Variants in NR3C1 observed in about 807,000 individuals in gnomAD.
NR3C1 encodes the protein glucocorticoid receptor.
NR3C1 carries 14 observed loss-of-function variants against 74.0 expected under a neutral mutation model. The ratio of observed to expected loss-of-function variants is 0.19; its 90% confidence interval spans 0.12 to 0.30. The LOEUF (loss-of-function observed/expected upper bound fraction) is 0.30. NR3C1 is among the 10% of genes least tolerant of loss of function. NR3C1 has a pLI of 1.00. For synonymous variants in NR3C1, 308 were observed against 332.5 expected, an observed-to-expected ratio of 0.93 and a Z score of 0.80; for missense variants, 695 against 909.8, an observed-to-expected ratio of 0.76 and a Z score of 3.04.
At chr5:143,283,140 C>T (rs2151478191) in intron 7 of NR3C1, among the ~76,000 whole-genome samples, 1 of 152,274 alleles carries the variant, frequency 6.6e-6, no homozygotes, top group South Asian at 2.1e-4. Context: ...TCCCAAAGTG[C>T]CAGGATTACA....
At chr5:143,369,086 A>G (rs1010906366) in intron 2 of NR3C1, among the ~76,000 whole-genome samples, 1 of 152,244 alleles carries the variant, frequency 6.6e-6, no homozygotes, top group African/African-American at 2.4e-5. Context: ...AGCACTTCTT[A>G]AAGGCCTCAC....
Position 143,278,169 on chromosome 5 carries a change from AAAC to A in NR3C1, c.*3717_*3719del, listed in dbSNP as rs1812614944. ...CAGATTATTATTCAGCATGAATAAA[AAAC>A]TACAACTTTTATTTTTAAACAGGAG... is the stretch of plus-strand genomic sequence containing the variant. On this transcript the variant is annotated 3_prime_UTR_variant, in exon 9 of 9. Coordinates refer to ENST00000394464, the MANE Select transcript of NR3C1 (RefSeq NM_000176.3). The A allele has an allele frequency of 6.6e-6, 1 of 152,214 alleles. No homozygotes were observed. The highest frequency in any genetic ancestry group is 2.4e-5 in the African/African-American group (1 of 41,460). 9.4% of individuals were successfully genotyped at this position (152,214 alleles called of 1,614,324 possible).
intron 2 of NR3C1, 110 bp downstream of exon 2, chr5:143,399,546 T>A: frequency 1.1e-6 from 1 of 902,214 alleles, no homozygotes; most frequent in Non-Finnish European, 1.7e-6. Context: ...CTTATTCATA[T>A]AAAAAAGCAC....
chr5:143,355,462 C>A (rs1176414357), intron 2 of NR3C1, among the ~76,000 whole-genome samples: 1 of 151,830 alleles, frequency 6.6e-6, no homozygotes, highest in Non-Finnish European at 1.5e-5. Flanking sequence ...GGTGACAGAG[C>A]AAGACCCTGT....
chr5:143,317,011 G>A lies in NR3C1; in HGVS notation c.1185-2843C>T, dbSNP rs372133053. ...AATTTGGAACCTCAATCAGGCTTTTGGCATCCCTTCAGGCAGTCGTTCTGG... is the reference window on the plus strand; with the variant it reads ...AATTTGGAACCTCAATCAGGCTTTTAGCATCCCTTCAGGCAGTCGTTCTGG... On this transcript the variant is annotated intron_variant, in intron 2 of 8. Transcript: ENST00000394464. Among the ~76,000 whole-genome samples, 18 of 152,246 alleles carry A rather than the reference G, an allele frequency of 1.2e-4. No homozygotes were observed. The East Asian group carries it at 3.5e-3, about 29-fold the overall frequency.
chr5:143,417,442 TCTACCTC>T (rs1750967296), intron 1 of NR3C1, among the ~76,000 whole-genome samples: 1 of 152,142 alleles, frequency 6.6e-6, no homozygotes, highest in Non-Finnish European at 1.5e-5. Context: ...GACTTGAGAC[TCTACCTC>T]CTAGTAGACA....
intron 2 of NR3C1, among the ~76,000 whole-genome samples, chr5:143,395,901 G>A (rs1323495063): frequency 6.6e-6 from 1 of 151,710 alleles, no homozygotes; most frequent in African/African-American, 2.4e-5. Context: ...GGCCCCTAAA[G>A]TGATCTCTAC....
intron 2 of NR3C1, among the ~76,000 whole-genome samples, chr5:143,357,995 A>G (rs1233502829): frequency 6.6e-6 from 1 of 152,228 alleles, no homozygotes; most frequent in Non-Finnish European, 1.5e-5. Flanking sequence ...TAAATACTAA[A>G]TACTTGATCA....
intron 2 of NR3C1, among the ~76,000 whole-genome samples, chr5:143,367,604 G>C (rs1423521253): frequency 6.6e-6 from 1 of 152,128 alleles, no homozygotes; most frequent in African/African-American, 2.4e-5. Context: ...TTACTAATCA[G>C]TAGCAATGAA....
At chr5:143,350,636 G>A (rs573789575) in intron 2 of NR3C1, among the ~76,000 whole-genome samples, 1 of 152,272 alleles carries the variant, frequency 6.6e-6, no homozygotes, top group East Asian at 1.9e-4. Context: ...ATCTGAGCTG[G>A]AGATACAGTA....
rs61759025 is a variant in NR3C1 at position 143,400,699 on chromosome 5, T to C, written c.141A>G (p.Ser47=). The change falls in exon 2 of 9, where the codon TCA becomes TCG. Residue 47 remains serine, a synonymous_variant. Coordinates refer to ENST00000394464, the MANE Select transcript of NR3C1 (RefSeq NM_000176.3). ...ATVKVSASSP[S]LAVASQSDSK... is the part of the protein sequence containing the mutation. ...AGTCTGATTGAGAAGCGACAGCCAG[T>C]GAGGGTGAAGACGCAGAAACCTTCA... 46 of 1,614,148 alleles carry C rather than the reference T, an allele frequency of 2.8e-5. No individual in the cohort carries two copies. The African/African-American group carries it at 5.3e-4, about 19-fold the overall frequency.
chr5:143,312,138 T>C (rs1821117433), intron 3 of NR3C1, among the ~76,000 whole-genome samples: 1 of 152,170 alleles, frequency 6.6e-6, no homozygotes, highest in Non-Finnish European at 1.5e-5. Context: ...AAGTCTATTT[T>C]TGGCAAATAA....
intron 2 of NR3C1, among the ~76,000 whole-genome samples, chr5:143,356,814 T>C (rs1014450958): frequency 1.3e-5 from 2 of 152,246 alleles, no homozygotes; most frequent in Admixed American, 6.5e-5. Context: ...TACGTTACTT[T>C]TCCTTTTAAG....
chr5:143,345,019 C>T (rs532401864), intron 2 of NR3C1, among the ~76,000 whole-genome samples: 3 of 152,088 alleles, frequency 2.0e-5, no homozygotes, highest in Admixed American at 6.5e-5. Context: ...TCCCACATCC[C>T]GAAGCTGTGT....
chr5:143,296,775 G>A (rs1404012225), intron 6 of NR3C1, among the ~76,000 whole-genome samples: 1 of 151,872 alleles, frequency 6.6e-6, no homozygotes, highest in Non-Finnish European at 1.5e-5. Context: ...AACATAGTGG[G>A]CTAAGAAAAA....
intron 7 of NR3C1, among the ~76,000 whole-genome samples, chr5:143,293,352 A>G (rs1009959226): frequency 1.3e-5 from 2 of 152,106 alleles, no homozygotes; most frequent in Non-Finnish European, 2.9e-5. Context: ...CATGAGAATG[A>G]TATTATGGAC....
intron 1 of NR3C1, chr5:143,402,475 T>G (rs933435059): frequency 4.3e-5 from 22 of 510,396 alleles, no homozygotes; most frequent in Non-Finnish European, 5.3e-5. Context: ...CAGGGGGTCT[T>G]TTTCTAAAAG....
At chr5:143,357,362 CTT>C (rs1233903800) in intron 2 of NR3C1, among the ~76,000 whole-genome samples, 4 of 152,298 alleles carry the variant, frequency 2.6e-5, no homozygotes, top group East Asian at 3.9e-4. Flanking sequence ...AAAAACACCA[CTT>C]TGTCAATTTA....
upstream of NR3C1, chr5:143,403,861 C>G (rs1364737925): frequency 1.0e-6 from 1 of 974,670 alleles, no homozygotes; most frequent in South Asian, 4.7e-5. Context: ...CCCGCCACCC[C>G]GGCCCCGACG....
Sources: allele counts gnomAD v4.1 joint callset (sites outside exome capture counted in the v4.1 genomes callset), GRCh38; gene constraint gnomAD v4.1.1; transcripts MANE v1.5; gene names NCBI Gene and HGNC (gene_info 2026-07-23, HGNC 2026-07-21).